STK3: variants seen among roughly 807,000 people sequenced by gnomAD.
STK3 encodes the protein serine/threonine-protein kinase 3.
Under a neutral mutation model 58.0 loss-of-function variants are expected in STK3, and 41 were observed. The ratio of observed to expected loss-of-function variants is 0.71; its 90% confidence interval spans 0.55 to 0.92. STK3 has a LOEUF of 0.92. STK3 is among the 40% of genes least tolerant of loss of function. The pLI is 0.00. For missense variants in STK3, 479 were observed against 602.7 expected (o/e 0.79, Z 2.15); for synonymous variants, 170 against 191.0 (o/e 0.89, Z 0.91).
In STK3 at chr8:98,607,319, G is replaced by A. The variant is rs1027953732; in HGVS notation, c.685-11150C>T. Among the ~76,000 whole-genome samples, 21 of 152,202 alleles carry A rather than the reference G, an allele frequency of 1.4e-4. 1 individual carries two copies. Among genetic ancestry groups the A allele is most frequent in the Admixed American group, 1.2e-3 (19 of 15,284 alleles). On this transcript the variant is annotated intron_variant, in intron 6 of 10. Coordinates refer to ENST00000419617, the MANE Select transcript of STK3 (RefSeq NM_006281.4). ...AATCTTTTTTTCATAAAAACACTAA[G>A]CCATTCTTTTCCTTTTTCTCTCAAT...
the STK3 span, among the ~76,000 whole-genome samples, chr8:98,353,396 C>T: frequency 0.34 from 51,391 of 152,000 alleles, 9,606 homozygotes; most frequent in African/African-American, 0.47. Context: ...GAGGCTGAGG[C>T]GGGAGGATCA....
chr8:98,449,077 G>A (rs549644802), intron 1 of STK3, among the ~76,000 whole-genome samples: 1 of 152,222 alleles, frequency 6.6e-6, no homozygotes, highest in Non-Finnish European at 1.5e-5. Flanking sequence ...AGGTGTGAGG[G>A]CCAAAGGTAC....
In STK3 at chr8:98,455,861, C is replaced by T; in HGVS notation, c.1457G>A (p.Arg486Lys). The part of the protein sequence containing the change: ...PILDAMDAKK[R>K]RQQNF ...TTAGACTCAAAAGTTTTGCTGCCTTCTTTTCTTTGCATCCATCGCATCCAG... is the reference window on the plus strand; with the variant it reads ...TTAGACTCAAAAGTTTTGCTGCCTTTTTTTCTTTGCATCCATCGCATCCAG... Residue 486 changes from arginine (R) to lysine (K), a missense_variant, in exon 11 of 11, where the codon AGA becomes AAA. By Grantham distance (26) the Arg-to-Lys change is conservative. Coordinates refer to ENST00000419617, the MANE Select transcript of STK3 (RefSeq NM_006281.4). The T allele has an allele frequency of 6.2e-7, 1 of 1,613,626 alleles. No homozygotes were observed. Among genetic ancestry groups the T allele is most frequent in the Non-Finnish European group, 8.5e-7 (1 of 1,179,770 alleles).
the STK3 span, among the ~76,000 whole-genome samples, chr8:98,356,323 C>T: frequency 2.0e-5 from 3 of 152,152 alleles, no homozygotes; most frequent in African/African-American, 7.2e-5. Context: ...AGGGGTGGTG[C>T]CCAGGGGTGT....
At chr8:98,819,461 A>C (rs1460333774) in intron 1 of STK3, among the ~76,000 whole-genome samples, 1 of 152,186 alleles carries the variant, frequency 6.6e-6, no homozygotes, top group African/African-American at 2.4e-5. Flanking sequence ...CCAACTGACT[A>C]TTCCCATCAG....
intron 2 of STK3, among the ~76,000 whole-genome samples, chr8:98,374,846 C>A (rs1817655964): frequency 6.6e-6 from 1 of 152,136 alleles, no homozygotes; most frequent in Non-Finnish European, 1.5e-5. Context: ...TGGAAGGATA[C>A]ATGAGAAGCT....
chr8:98,587,927 CTT>C (rs965122799), intron 7 of STK3, among the ~76,000 whole-genome samples: 15 of 151,922 alleles, frequency 9.9e-5, no homozygotes, highest in Admixed American at 2.6e-4. Context: ...CAACCCCTGC[CTT>C]TTTTTGTTTT....
At chr8:98,477,269 C>T (rs988212755) in intron 10 of STK3, among the ~76,000 whole-genome samples, 9 of 152,128 alleles carry the variant, frequency 5.9e-5, no homozygotes, top group African/African-American at 1.9e-4. Flanking sequence ...CATTTCCTTA[C>T]AAAGGCTCCT....
upstream of STK3, among the ~76,000 whole-genome samples, chr8:98,388,481 C>T (rs1817815154): frequency 6.6e-6 from 1 of 152,166 alleles, no homozygotes; most frequent in Non-Finnish European, 1.5e-5. Context: ...ATGTATTTGG[C>T]AGCACACACC....
chr8:98,911,004 C>T (rs1464800661), intron 1 of STK3, among the ~76,000 whole-genome samples: 3 of 152,140 alleles, frequency 2.0e-5, no homozygotes, highest in African/African-American at 7.2e-5. Flanking sequence ...CCATATATAG[C>T]AAGGCAACAG....
At chr8:98,940,714 C>G (rs545355551) in intron 1 of STK3, among the ~76,000 whole-genome samples, 2 of 152,226 alleles carry the variant, frequency 1.3e-5, no homozygotes, top group African/African-American at 2.4e-5. Flanking sequence ...TGCGCCGCCC[C>G]GCACGCGACC....
chr8:98,427,641 G>C, intron 3 of STK3: 1 of 174,952 alleles, frequency 5.7e-6, no homozygotes, highest in Non-Finnish European at 1.2e-5. Flanking sequence ...GGCGTCTCCC[G>C]GGCCTGCCCA....
chr8:98,907,561 G>A (rs192154855), intron 1 of STK3, among the ~76,000 whole-genome samples: 16 of 152,102 alleles, frequency 1.1e-4, no homozygotes, highest in African/African-American at 3.6e-4. Flanking sequence ...ATCAACTCAT[G>A]GCCAATGTTT....
At chr8:98,444,245 C>T (rs1818836470) in intron 1 of STK3, among the ~76,000 whole-genome samples, 1 of 152,188 alleles carries the variant, frequency 6.6e-6, no homozygotes, top group African/African-American at 2.4e-5. Context: ...ATGAGTAAGA[C>T]TTGGTTGCCT....
downstream of STK3, among the ~76,000 whole-genome samples, chr8:98,450,251 A>T (rs1819140632): frequency 6.6e-6 from 1 of 152,242 alleles, no homozygotes; most frequent in South Asian, 2.1e-4. Flanking sequence ...TTTCGAAGTA[A>T]CAATCAGCTT....
Position 98,846,856 on chromosome 8 carries a change from TACACACACACACAC to T in STK3, c.110+36777_110+36790del, listed in dbSNP as rs374739035. ...TTCATTCCTAAACTATTCAGGATCC[TACACACACACACAC>T]ACACACACACACACACATTTTCATA... On this transcript the variant is annotated intron_variant, in intron 3 of 12. Transcript: ENST00000523601. Among the ~76,000 whole-genome samples, 1,121 of 143,404 alleles carry T rather than the reference TACACACACACACAC, an allele frequency of 7.8e-3. 10 individuals are homozygous for T. The highest frequency in any genetic ancestry group is 0.011 in the Middle Eastern group (3 of 274). The allele number at this position is 143,404 out of a possible 152,430, so 94.1% of individuals were successfully genotyped here.
chr8:98,662,709 T>C (rs555075166), intron 6 of STK3, among the ~76,000 whole-genome samples: 1 of 151,814 alleles, frequency 6.6e-6, no homozygotes, highest in East Asian at 1.9e-4. Flanking sequence ...AGTTTTAGGG[T>C]ACATGTGCAC....
At chr8:98,822,059 C>T (rs1349632789) in intron 1 of STK3, among the ~76,000 whole-genome samples, 1 of 142,328 alleles carries the variant, frequency 7.0e-6, no homozygotes, top group Admixed American at 6.8e-5. Flanking sequence ...TACATACACA[C>T]ACACACATAC....
At chr8:98,677,641 C>T (rs552734459) in intron 6 of STK3, among the ~76,000 whole-genome samples, 7 of 152,028 alleles carry the variant, frequency 4.6e-5, no homozygotes, top group Non-Finnish European at 8.8e-5. Context: ...ATCACAACCT[C>T]CTTAAAACTA....
Sources: gnomAD v4.1 joint callset for allele counts (sites outside exome capture counted in the v4.1 genomes callset) on GRCh38, gnomAD v4.1.1 for gene constraint, MANE v1.5 for transcripts, NCBI Gene and HGNC (gene_info 2026-07-23, HGNC 2026-07-21) for gene names.